NEBL: variants seen among roughly 807,000 people sequenced by gnomAD.
The protein encoded by NEBL is nebulette, also known as LIM and SH3 protein 2.
In NEBL, 122 loss-of-function variants were observed where a neutral mutation model predicts 140.2. The ratio of observed to expected loss-of-function variants is 0.87; its 90% CI spans 0.75 to 1.01. The LOEUF (loss-of-function observed/expected upper bound fraction) is 1.01. Ranked by LOEUF, NEBL falls within the 50% of genes least tolerant of loss-of-function variation. NEBL has a pLI of 0.00. For missense variants in NEBL, 1,365 were observed against 1,231.3 expected, an observed-to-expected ratio of 1.11 and a Z score of -1.62; for synonymous variants, 436 against 398.9, an observed-to-expected ratio of 1.09 and a Z score of -1.11.
chr10:21,020,509 T>A (rs1197846840), intron 2 of NEBL, among the ~76,000 whole-genome samples: 5 of 152,140 alleles, frequency 3.3e-5, no homozygotes, highest in Admixed American at 6.5e-5. Flanking sequence ...CCTTCCAGCA[T>A]GTGTGCCAAA....
chr10:20,838,947 T>C (rs144841635), intron 13 of NEBL, among the ~76,000 whole-genome samples: 1 of 152,296 alleles, frequency 6.6e-6, no homozygotes, highest in East Asian at 1.9e-4. Flanking sequence ...CATGTATATG[T>C]ATGGAGAAAC....
chr10:20,888,429 G>A (rs763623515), intron 3 of NEBL, among the ~76,000 whole-genome samples: 11 of 152,150 alleles, frequency 7.2e-5, no homozygotes, highest in Non-Finnish European at 1.3e-4. Flanking sequence ...AGACATGCAA[G>A]GACATAATGG....
intron 2 of NEBL, among the ~76,000 whole-genome samples, chr10:21,074,810 G>A (rs1835993274): frequency 2.7e-5 from 4 of 147,368 alleles, no homozygotes; most frequent in African/African-American, 1.0e-4. Flanking sequence ...TGTTGTTGTT[G>A]TTGTTGTTGT....
chr10:20,844,352 T>C lies in NEBL; in HGVS notation c.1227+906A>G, dbSNP rs1841701686. On this transcript the variant is annotated intron_variant, in intron 12 of 27. Coordinates refer to ENST00000377122, the MANE Select transcript of NEBL (RefSeq NM_006393.3). ...ATGTATGTATGTAATATACATTCCG[T>C]TTATATATCATAAAATATATATTAT... is the stretch of plus-strand genomic sequence containing the variant. 2.0e-5 allele frequency among the ~76,000 whole-genome samples: 3 copies of C among 151,162 alleles called. No individual in the cohort carries two copies. In the Admixed American group the frequency reaches 2.0e-4, roughly 10 times the overall value.
intron 4 of NEBL, among the ~76,000 whole-genome samples, chr10:20,922,008 T>C (rs756049881): frequency 1.2e-4 from 19 of 152,152 alleles, no homozygotes; most frequent in Non-Finnish European, 2.4e-4. Context: ...GAAAGGAAAA[T>C]AGAGCAAGCA....
chr10:21,063,713 G>A (rs1232097123), intron 2 of NEBL, among the ~76,000 whole-genome samples: 1 of 152,036 alleles, frequency 6.6e-6, no homozygotes, highest in Non-Finnish European at 1.5e-5. Context: ...CAGCAACATG[G>A]TGAAACCCCA....
intron 26 of NEBL, chr10:20,793,436 G>T: frequency 1.3e-6 from 1 of 797,268 alleles, no homozygotes; most frequent in Non-Finnish European, 1.5e-6. Context: ...GTTACTTGCA[G>T]TGTTTTCAAC....
In NEBL at chr10:21,029,321, C is replaced by T. The variant is rs1052018675; in HGVS notation, c.165-9120G>A. On this transcript the variant is annotated intron_variant, in intron 2 of 6. Coordinates refer to the NEBL transcript ENST00000417816. ...CTAGGGAACCTATCCTATGATGTGA[C>T]AGAAGAGTCAATTAAGGAATTCTTT... 5.0e-6 allele frequency: 8 copies of T among 1,610,384 alleles called. No individual in the cohort carries two copies. The African/African-American group carries it at 1.1e-4, about 22-fold the overall frequency.
intron 26 of NEBL, chr10:20,793,237 A>C (rs1365339084): frequency 5.0e-6 from 3 of 594,918 alleles, no homozygotes; most frequent in Non-Finnish European, 6.3e-6. Flanking sequence ...TAATTGAGTT[A>C]AAACCACCAA....
At chr10:20,949,794 G>A (rs545361471) in intron 4 of NEBL, among the ~76,000 whole-genome samples, 52 of 151,868 alleles carry the variant, frequency 3.4e-4, no homozygotes, top group Non-Finnish European at 6.3e-4. Flanking sequence ...GCTGTTAAGC[G>A]ATTTAGATGG....
At chr10:21,108,413 T>C (rs550416369) in intron 2 of NEBL, among the ~76,000 whole-genome samples, 1 of 152,334 alleles carries the variant, frequency 6.6e-6, no homozygotes, top group East Asian at 1.9e-4. Context: ...CTTCGTTTCA[T>C]TATTTACCCA....
chr10:20,955,332 A>AATG (rs1395078768), intron 4 of NEBL, among the ~76,000 whole-genome samples: 1 of 152,258 alleles, frequency 6.6e-6, no homozygotes, highest in African/African-American at 2.4e-5. Flanking sequence ...GAGTGGTACA[A>AATG]ATGATAGTGT....
intron 2 of NEBL, among the ~76,000 whole-genome samples, chr10:21,118,550 T>C (rs1838384361): frequency 6.6e-6 from 1 of 152,082 alleles, no homozygotes; most frequent in African/African-American, 2.4e-5. Flanking sequence ...TTTTCCAACC[T>C]CTGGGGAAAG....
intron 1 of NEBL, among the ~76,000 whole-genome samples, chr10:21,280,806 G>A (rs764678202): frequency 1.3e-5 from 2 of 151,674 alleles, no homozygotes; most frequent in South Asian, 2.1e-4. Flanking sequence ...GTAGAGACAG[G>A]GTCTCACCAT....
rs151122878 is a variant in NEBL, at chr10:21,106,754, T to G, written c.164+65629A>C. On this transcript the variant is annotated intron_variant, in intron 2 of 6. Transcript: ENST00000417816. ...AGTAGTAGCTTGATGGGGATAGTATTGAATGTATAAATTACCTTGGGCAGT... is the reference window on the plus strand; with the variant it reads ...AGTAGTAGCTTGATGGGGATAGTATGGAATGTATAAATTACCTTGGGCAGT... Among the ~76,000 whole-genome samples the G allele has an allele frequency of 4.6e-3, 708 of 152,328 alleles. 5 individuals are homozygous for G. The highest frequency in any genetic ancestry group is 0.016 in the African/African-American group (674 of 41,576).
intron 2 of NEBL, among the ~76,000 whole-genome samples, chr10:21,027,481 C>G (rs1462586051): frequency 6.6e-6 from 1 of 151,840 alleles, no homozygotes; most frequent in East Asian, 1.9e-4. Flanking sequence ...GCAACTGCCA[C>G]CATGTCAGGC....
intron 2 of NEBL, among the ~76,000 whole-genome samples, chr10:21,098,770 C>A (rs1837323926): frequency 6.6e-6 from 1 of 152,212 alleles, no homozygotes. Context: ...GCCAGCTTTC[C>A]CCCATGGCCT....
At chr10:20,877,925 A>G (rs186198926) in intron 5 of NEBL, among the ~76,000 whole-genome samples, 22 of 152,342 alleles carry the variant, frequency 1.4e-4, no homozygotes, top group Non-Finnish European at 2.5e-4. Flanking sequence ...TCTTTTGCCT[A>G]GTAAACCTCC....
At chr10:20,824,220 C>T (rs1839622939) in intron 18 of NEBL, among the ~76,000 whole-genome samples, 1 of 152,150 alleles carries the variant, frequency 6.6e-6, no homozygotes, top group Admixed American at 6.5e-5. Context: ...ATAGGCTCAA[C>T]TTAAGAGGCC....
Sources: allele counts gnomAD v4.1 joint callset (sites outside exome capture counted in the v4.1 genomes callset), GRCh38; gene constraint gnomAD v4.1.1; transcripts MANE v1.5; gene names NCBI Gene and HGNC (gene_info 2026-07-23, HGNC 2026-07-21).